DTNA: variants seen among roughly 807,000 people sequenced by gnomAD.
DTNA encodes dystrobrevin alpha.
Under a neutral mutation model 100.7 loss-of-function variants are expected in DTNA, and 43 were observed. The ratio of observed to expected loss-of-function variants is 0.43; its 90% CI spans 0.33 to 0.55. The LOEUF is 0.55. DTNA is among the 20% of genes least tolerant of loss of function. The pLI is 0.04. For synonymous variants in DTNA, 349 were observed against 347.9 expected, an observed-to-expected ratio of 1.00 and a Z score of -0.04; for missense variants, 798 against 953.9, an observed-to-expected ratio of 0.84 and a Z score of 2.15.
chr18:34,782,581 G>A (rs757444574), intron 3 of DTNA, among the ~76,000 whole-genome samples: 3 of 152,212 alleles, frequency 2.0e-5, no homozygotes, highest in Non-Finnish European at 4.4e-5. Context: ...CATGGCATGT[G>A]AGTGGTACCT....
chr18:34,571,451 T>C (rs1439128), intron 1 of DTNA, among the ~76,000 whole-genome samples: 39,383 of 151,890 alleles, frequency 0.26, 7,134 homozygotes, highest in African/African-American at 0.51. Flanking sequence ...GATGAAATAT[T>C]CTGAACAGAC....
intron 1 of DTNA, among the ~76,000 whole-genome samples, chr18:34,686,002 T>G (rs2078843303): frequency 6.6e-6 from 1 of 152,224 alleles, no homozygotes; most frequent in South Asian, 2.1e-4. Context: ...TCCTGACACT[T>G]TGCTGAATTT....
intron 11 of DTNA, among the ~76,000 whole-genome samples, chr18:34,830,583 C>G (rs2095983404): frequency 6.6e-6 from 1 of 152,074 alleles, no homozygotes; most frequent in Non-Finnish European, 1.5e-5. Context: ...TTTTCTAGCT[C>G]TGTACTTGAT....
chr18:34,576,246 C>T (rs1429918820), intron 1 of DTNA, among the ~76,000 whole-genome samples: 1 of 152,140 alleles, frequency 6.6e-6, no homozygotes, highest in Non-Finnish European at 1.5e-5. Context: ...AAGTGACTGC[C>T]ACAGAACTGC....
chr18:34,867,252 T>A, intron 17 of DTNA: 1 of 1,231,434 alleles, frequency 8.1e-7, no homozygotes, highest in African/African-American at 1.5e-5. Flanking sequence ...CTGGACACAT[T>A]TTTACCCTTC....
intron 3 of DTNA, among the ~76,000 whole-genome samples, chr18:34,792,090 G>A (rs1439632336): frequency 2.8e-5 from 1 of 35,754 alleles, no homozygotes; most frequent in South Asian, 4.1e-3. Flanking sequence ...TATGTAACCT[G>A]TTGTTTTTTT....
At chr18:34,659,798 G>C (rs1599727805) in intron 1 of DTNA, among the ~76,000 whole-genome samples, 1 of 152,214 alleles carries the variant, frequency 6.6e-6, no homozygotes, top group East Asian at 1.9e-4. Context: ...ACCGTATTTA[G>C]TGCTGTCAGA....
chr18:34,655,074 A>T (rs1160492620), intron 1 of DTNA, among the ~76,000 whole-genome samples: 1 of 152,074 alleles, frequency 6.6e-6, no homozygotes, highest in Non-Finnish European at 1.5e-5. Flanking sequence ...TTTTACTAAC[A>T]CATGTAGTTT....
At chr18:34,660,082 G>A (rs1228475142) in intron 1 of DTNA, among the ~76,000 whole-genome samples, 2 of 152,212 alleles carry the variant, frequency 1.3e-5, no homozygotes, top group African/African-American at 4.8e-5. Context: ...GTATACAAGA[G>A]AGGGAACCAT....
intron 17 of DTNA, chr18:34,868,809 T>G (rs950464398): frequency 6.2e-6 from 6 of 964,920 alleles, no homozygotes; most frequent in Non-Finnish European, 7.4e-6. Flanking sequence ...TTACAAAACT[T>G]GAATTGAAGT....
At chr18:34,836,399 T>C (rs1029847967) in intron 11 of DTNA, among the ~76,000 whole-genome samples, 4 of 152,204 alleles carry the variant, frequency 2.6e-5, no homozygotes, top group Non-Finnish European at 4.4e-5. Flanking sequence ...ACACCTGTAA[T>C]TCCAGCACTT....
intron 1 of DTNA, among the ~76,000 whole-genome samples, chr18:34,625,282 G>C (rs1182943923): frequency 6.6e-6 from 1 of 152,114 alleles, no homozygotes; most frequent in African/African-American, 2.4e-5. Flanking sequence ...ACCTGCCTCG[G>C]CCTCCCAAAG....
At chr18:34,775,485 A>C (rs1055379559) in intron 3 of DTNA, among the ~76,000 whole-genome samples, 2 of 152,174 alleles carry the variant, frequency 1.3e-5, no homozygotes, top group African/African-American at 4.8e-5. Flanking sequence ...CCATCTCAAA[A>C]AAAAATAAAA....
chr18:34,804,614 G>T (rs1482876642), intron 4 of DTNA, among the ~76,000 whole-genome samples: 3 of 152,196 alleles, frequency 2.0e-5, no homozygotes, highest in South Asian at 2.1e-4. Flanking sequence ...TAGGTACATG[G>T]TGTTTCTAAT....
At chr18:34,877,004 A>G (rs1014717562) in intron 18 of DTNA, among the ~76,000 whole-genome samples, 2 of 152,144 alleles carry the variant, frequency 1.3e-5, no homozygotes, top group Non-Finnish European at 2.9e-5. Flanking sequence ...ACGGAATGAA[A>G]TTCCATTAAC....
chr18:34,825,260 CCAAAA>C, intron 9 of DTNA: 1 of 1,613,236 alleles, frequency 6.2e-7, no homozygotes, highest in Non-Finnish European at 8.5e-7. Flanking sequence ...TTCTTCGCTG[CCAAAA>C]GTGATACTTG....
intron 12 of DTNA, 132 bp from the exon 13 acceptor site, chr18:34,838,613 C>G (rs747177683): frequency 1.3e-6 from 1 of 750,438 alleles, no homozygotes; most frequent in Non-Finnish European, 2.4e-6. Flanking sequence ...CATAGCACAT[C>G]ACTTACTACC....
chr18:34,741,382 T>C (rs940238472), intron 1 of DTNA, among the ~76,000 whole-genome samples: 21 of 152,228 alleles, frequency 1.4e-4, no homozygotes, highest in African/African-American at 4.8e-4. Flanking sequence ...TGTGGGCTGA[T>C]ATTTTAATAA....
chr18:34,507,088 A>G (rs2040565012), intron 1 of DTNA, among the ~76,000 whole-genome samples: 1 of 152,192 alleles, frequency 6.6e-6, no homozygotes, highest in African/African-American at 2.4e-5. Context: ...AATGCAGTCC[A>G]TCATTGTAGG....
Sources: allele counts gnomAD v4.1 joint callset (sites outside exome capture counted in the v4.1 genomes callset), GRCh38; gene constraint gnomAD v4.1.1; transcripts MANE v1.5; gene names NCBI Gene and HGNC (gene_info 2026-07-23, HGNC 2026-07-21).